The following ARHGAP21 variants were observed in gnomAD, a reference collection of about 807,000 sequenced individuals.
ARHGAP21 encodes the protein Rho GTPase activating protein 21.
Under a neutral mutation model 164.6 loss-of-function variants are expected in ARHGAP21, and 38 were observed. That is an observed-to-expected ratio of 0.23 (90% CI 0.18 to 0.30). The LOEUF (loss-of-function observed/expected upper bound fraction) is 0.30, where lower values mean the gene tolerates loss of function less well. Among genes scored for constraint, ARHGAP21 ranks in the 10% least tolerant of loss-of-function variants. The probability of loss-of-function intolerance (pLI) is 1.00; values close to 1 mark genes in which losing one functional copy is unlikely to be tolerated. For missense variants in ARHGAP21, 1,822 were observed against 2,370.7 expected, an observed-to-expected ratio of 0.77 and a Z score of 4.81; for synonymous variants, 766 against 857.9, an observed-to-expected ratio of 0.89 and a Z score of 1.87.
chr10:24,636,860 T>C (rs1325146256), intron 4 of ARHGAP21, among the ~76,000 whole-genome samples: 1 of 152,230 alleles, frequency 6.6e-6, no homozygotes, highest in African/African-American at 2.4e-5. Flanking sequence ...TTCATTAAAC[T>C]TACAACCCAC....
At chr10:24,716,438 T>C (rs1405253202) in intron 2 of ARHGAP21, among the ~76,000 whole-genome samples, 1 of 152,056 alleles carries the variant, frequency 6.6e-6, no homozygotes, top group Non-Finnish European at 1.5e-5. Context: ...GGGGGAAGTG[T>C]TCTAAGGGGA....
intron 16 of ARHGAP21, 121 bp downstream of exon 16, chr10:24,597,326 G>T: frequency 1.5e-6 from 2 of 1,294,072 alleles, no homozygotes; most frequent in Non-Finnish European, 1.0e-6. Context: ...AGCCTACTAT[G>T]AATTTTGAGC....
At chr10:24,665,560 C>T (rs1033247094) in intron 4 of ARHGAP21, among the ~76,000 whole-genome samples, 4 of 151,908 alleles carry the variant, frequency 2.6e-5, no homozygotes, top group Non-Finnish European at 5.9e-5. Context: ...CAAAAATTAA[C>T]CTATACAGTG....
rs757611296 is a variant in ARHGAP21 at position 24,647,575 on chromosome 10, G to A, written c.269-12472C>T. On this transcript the variant is annotated intron_variant, in intron 4 of 25. Coordinates refer to ENST00000396432, the MANE Select transcript of ARHGAP21 (RefSeq NM_020824.4). ...AGTAAATTTTGCAGCTTTGAGAGCA[G>A]TCATTTTAGAAGCTTGTGCCAATTC... is the stretch of plus-strand genomic sequence containing the variant. 1.6e-4 allele frequency among the ~76,000 whole-genome samples: 24 copies of A among 152,310 alleles called. No homozygotes were observed. In the East Asian group the frequency reaches 2.9e-3, roughly 18 times the overall value.
intron 2 of ARHGAP21, among the ~76,000 whole-genome samples, chr10:24,716,368 C>CTT (rs1845376441): frequency 6.6e-5 from 10 of 152,188 alleles, no homozygotes; most frequent in Admixed American, 6.5e-4. Flanking sequence ...AAGCTTCACT[C>CTT]GGAAGGTGAC....
At chr10:24,682,495 C>T (rs1841863616) in intron 2 of ARHGAP21, among the ~76,000 whole-genome samples, 1 of 152,054 alleles carries the variant, frequency 6.6e-6, no homozygotes, top group South Asian at 2.1e-4. Context: ...TAAATTATTC[C>T]TCACATAGTA....
rs768755069 is a variant in ARHGAP21, at chr10:24,584,894, G to T, written c.5395C>A (p.Arg1799=). 2.1e-5 allele frequency: 34 copies of T among 1,613,696 alleles called. No individual in the cohort carries two copies. The African/African-American group carries it at 3.7e-4, about 18-fold the overall frequency. The change falls in exon 26 of 26, where the codon CGG becomes AGG. Residue 1799 remains arginine, a synonymous_variant. Coordinates refer to ENST00000396432, the MANE Select transcript of ARHGAP21 (RefSeq NM_020824.4). ...NAETAKRKSI[R]RRHTLGGHRD... ...TGCCCTCCTAGTGTATGTCTGCGCC[G>T]GATGCTTTTCCTTTTAGCAGTCTCG...
At chr10:24,614,764 C>G (rs564040554) in intron 9 of ARHGAP21, among the ~76,000 whole-genome samples, 1 of 122,786 alleles carries the variant, frequency 8.1e-6, no homozygotes, top group Non-Finnish European at 1.6e-5. Context: ...GGCTGGGTGA[C>G]AGAGTGAGAC....
intron 9 of ARHGAP21, among the ~76,000 whole-genome samples, chr10:24,614,020 C>A (rs1428085571): frequency 2.0e-5 from 3 of 152,182 alleles, no homozygotes; most frequent in African/African-American, 7.2e-5. Context: ...AGCTTGCCAG[C>A]TGACATGCTG....
intron 4 of ARHGAP21, among the ~76,000 whole-genome samples, chr10:24,637,689 A>T (rs912001365): frequency 6.6e-6 from 1 of 152,220 alleles, no homozygotes; most frequent in Non-Finnish European, 1.5e-5. Flanking sequence ...ATTCTACAAA[A>T]GAAATACTAA....
Position 24,632,896 on chromosome 10 carries a change from A to G in ARHGAP21, c.440+506T>C, listed in dbSNP as rs373788554. ...GAGGTCTCATAGACAGTCACTCTAT[A>G]AATATGTATCTAACTTTAGAGCTCA... On this transcript the variant is annotated intron_variant, in intron 6 of 25. Transcript: ENST00000396432. 5.9e-5 allele frequency among the ~76,000 whole-genome samples: 9 copies of G among 152,328 alleles called. 1 individual carries two copies. In the East Asian group the frequency reaches 1.2e-3, roughly 20 times the overall value.
At chr10:24,651,780 T>C (rs909230609) in intron 4 of ARHGAP21, among the ~76,000 whole-genome samples, 1 of 152,216 alleles carries the variant, frequency 6.6e-6, no homozygotes, top group Non-Finnish European at 1.5e-5. Context: ...ATGAGAGAGA[T>C]ACACCAGATT....
At chr10:24,643,082 C>T (rs113735949) in intron 4 of ARHGAP21, among the ~76,000 whole-genome samples, 14 of 152,244 alleles carry the variant, frequency 9.2e-5, no homozygotes, top group African/African-American at 3.1e-4. Flanking sequence ...CACTAGGTGT[C>T]GGACATGAAT....
chr10:24,676,131 G>C (rs969986790), intron 2 of ARHGAP21, among the ~76,000 whole-genome samples: 1 of 151,468 alleles, frequency 6.6e-6, no homozygotes, highest in Admixed American at 6.6e-5. Context: ...GGGCAACATA[G>C]AGAGAGACTC....
At position 24,705,155 on chromosome 10, in the gene ARHGAP21, G is replaced by A. The variant is rs545904872; in HGVS notation, c.63+16682C>T. 1.8e-3 allele frequency among the ~76,000 whole-genome samples: 272 copies of A among 152,304 alleles called. 1 individual carries two copies. Among genetic ancestry groups the A allele is most frequent in the Non-Finnish European group, 3.1e-3 (214 of 68,026 alleles). On this transcript the variant is annotated intron_variant, in intron 2 of 25. Coordinates refer to ENST00000396432, the MANE Select transcript of ARHGAP21 (RefSeq NM_020824.4). ...AAACTAGAAAGTTTTCTGATGATGA[G>A]ACTAACTAATGAGTTTAGTAATTGC...
At chr10:24,594,596 C>G (rs75614845) in intron 21 of ARHGAP21, among the ~76,000 whole-genome samples, 1 of 141,440 alleles carries the variant, frequency 7.1e-6, no homozygotes, top group African/African-American at 2.6e-5. Context: ...AATGACTTAT[C>G]TGTTTATGTC....
At chr10:24,631,288 T>C (rs1472080265) in intron 6 of ARHGAP21, among the ~76,000 whole-genome samples, 3 of 152,136 alleles carry the variant, frequency 2.0e-5, no homozygotes, top group Non-Finnish European at 4.4e-5. Context: ...TGCTTGAACC[T>C]GGGAGGCGGA....
intron 3 of ARHGAP21, 86 bp downstream of exon 3, chr10:24,670,132 C>A: frequency 3.4e-6 from 3 of 878,664 alleles, no homozygotes; most frequent in African/African-American, 1.7e-5. Flanking sequence ...GAAAAAAGGC[C>A]ATAGGGAAGG....
At chr10:24,692,325 G>T (rs1345248220) in intron 2 of ARHGAP21, among the ~76,000 whole-genome samples, 2 of 152,130 alleles carry the variant, frequency 1.3e-5, no homozygotes, top group African/African-American at 2.4e-5. Context: ...GCATGGAGTC[G>T]ATGAAAACAT....
Sources: allele counts gnomAD v4.1 joint callset (sites outside exome capture counted in the v4.1 genomes callset), GRCh38; gene constraint gnomAD v4.1.1; transcripts MANE v1.5; gene names NCBI Gene and HGNC (gene_info 2026-07-23, HGNC 2026-07-21).